Variants in PRKG1 observed in about 807,000 individuals in gnomAD.
PRKG1 encodes protein kinase cGMP-dependent 1.
In PRKG1, 35 loss-of-function variants were observed where a neutral mutation model predicts 88.1. The ratio of observed to expected loss-of-function variants is 0.40; its 90% confidence interval spans 0.30 to 0.53. The LOEUF (loss-of-function observed/expected upper bound fraction) is 0.53, where lower values mean the gene tolerates loss of function less well. Ranked by LOEUF, PRKG1 falls within the 20% of genes least tolerant of loss-of-function variation. The pLI is 0.59. For missense variants in PRKG1, 540 were observed against 839.8 expected, an observed-to-expected ratio of 0.64 and a Z score of 4.41; for synonymous variants, 303 against 292.5, an observed-to-expected ratio of 1.04 and a Z score of -0.37.
chr10:52,004,447 A>T (rs1489186178), intron 5 of PRKG1, among the ~76,000 whole-genome samples: 2 of 152,200 alleles, frequency 1.3e-5, no homozygotes, highest in Non-Finnish European at 2.9e-5. Context: ...CTGAAGTATC[A>T]TTACTTCTCT....
chr10:51,405,869 C>T (rs1401535977), intron 2 of PRKG1, among the ~76,000 whole-genome samples: 1 of 152,164 alleles, frequency 6.6e-6, no homozygotes, highest in East Asian at 1.9e-4. Context: ...CCACAGAGAA[C>T]TCAGTGTACT....
intron 2 of PRKG1, among the ~76,000 whole-genome samples, chr10:51,391,687 T>C (rs1837408304): frequency 6.6e-6 from 1 of 152,210 alleles, no homozygotes; most frequent in Non-Finnish European, 1.5e-5. Flanking sequence ...GTTGTTTTCC[T>C]GCCAAAAAGA....
At chr10:52,219,956 G>A (rs951356995) in intron 9 of PRKG1, among the ~76,000 whole-genome samples, 2 of 152,014 alleles carry the variant, frequency 1.3e-5, no homozygotes, top group African/African-American at 4.8e-5. Context: ...TTCATCTTGA[G>A]GTTTCTGTGA....
chr10:51,883,895 T>A (rs6480538), intron 4 of PRKG1, among the ~76,000 whole-genome samples: 114,485 of 152,022 alleles, frequency 0.75, 43,607 homozygotes, highest in African/African-American at 0.87. Flanking sequence ...AGACTGTCAG[T>A]AGAAATAAGA....
chr10:51,678,605 A>C (rs1840769579), intron 3 of PRKG1, among the ~76,000 whole-genome samples: 1 of 152,232 alleles, frequency 6.6e-6, no homozygotes, highest in Non-Finnish European at 1.5e-5. Flanking sequence ...AAGGGTTATT[A>C]GATTGCATTG....
intron 3 of PRKG1, among the ~76,000 whole-genome samples, chr10:51,578,007 A>G (rs1837931970): frequency 6.6e-6 from 1 of 152,152 alleles, no homozygotes; most frequent in African/African-American, 2.4e-5. Context: ...GTTGTTCGTT[A>G]GGATTCTCTA....
At chr10:51,410,931 A>G (rs1187760927) in intron 2 of PRKG1, among the ~76,000 whole-genome samples, 1 of 151,836 alleles carries the variant, frequency 6.6e-6, no homozygotes, top group Non-Finnish European at 1.5e-5. Context: ...CTTTTGGTAA[A>G]TCGGATGTAC....
At chr10:51,553,489 G>A (rs1837193884) in intron 3 of PRKG1, among the ~76,000 whole-genome samples, 1 of 151,474 alleles carries the variant, frequency 6.6e-6, no homozygotes, top group Admixed American at 6.6e-5. Flanking sequence ...GTTTTAACCA[G>A]TATCATTTAT....
intron 2 of PRKG1, among the ~76,000 whole-genome samples, chr10:51,331,436 G>C (rs1841738336): frequency 6.6e-6 from 1 of 152,078 alleles, no homozygotes; most frequent in African/African-American, 2.4e-5. Context: ...ATACAGGTCT[G>C]GGGGTTTCTG....
chr10:51,010,665 A>G (rs1056674151), intron 1 of PRKG1, among the ~76,000 whole-genome samples: 15 of 152,196 alleles, frequency 9.9e-5, no homozygotes, highest in African/African-American at 3.6e-4. Flanking sequence ...TGAAGATGTG[A>G]AGTGCTTGTT....
chr10:51,613,238 T>A (rs561471998), intron 3 of PRKG1, among the ~76,000 whole-genome samples: 7 of 152,058 alleles, frequency 4.6e-5, no homozygotes, highest in Non-Finnish European at 7.4e-5. Context: ...TCTTCCTGAT[T>A]CAATCTTGGT....
intron 5 of PRKG1, among the ~76,000 whole-genome samples, chr10:51,952,953 C>A (rs920184491): frequency 1.3e-5 from 2 of 152,228 alleles, no homozygotes; most frequent in Admixed American, 6.5e-5. Flanking sequence ...CCAAGTGAAT[C>A]TAACCAACTC....
At chr10:51,690,864 T>C (rs1319526240) in intron 3 of PRKG1, among the ~76,000 whole-genome samples, 1 of 139,576 alleles carries the variant, frequency 7.2e-6, no homozygotes, top group Non-Finnish European at 1.5e-5. Flanking sequence ...AGGCAGAGGT[T>C]GCAGTGAGCC....
chr10:51,763,740 G>GA (rs949071468), intron 3 of PRKG1, among the ~76,000 whole-genome samples: 3 of 151,520 alleles, frequency 2.0e-5, no homozygotes, highest in South Asian at 2.1e-4. Flanking sequence ...GGATAATTTA[G>GA]AAAAAAAAGG....
chr10:51,458,275 T>C (rs186850891), intron 2 of PRKG1, among the ~76,000 whole-genome samples: 4 of 152,222 alleles, frequency 2.6e-5, no homozygotes, highest in African/African-American at 9.6e-5. Flanking sequence ...GAGTAGGAGG[T>C]TGATACTTTG....
At chr10:52,029,299 T>A (rs1405252468) in intron 5 of PRKG1, among the ~76,000 whole-genome samples, 1 of 152,222 alleles carries the variant, frequency 6.6e-6, no homozygotes, top group Non-Finnish European at 1.5e-5. Context: ...TATAGTTGTT[T>A]CATCTTGTTT....
At chr10:51,786,908 C>G (rs1374178033) in intron 3 of PRKG1, among the ~76,000 whole-genome samples, 1 of 152,148 alleles carries the variant, frequency 6.6e-6, no homozygotes. Context: ...AGAAATATGT[C>G]CATCCTTAAG....
chr10:51,242,655 T>C (rs1472796537), intron 2 of PRKG1, among the ~76,000 whole-genome samples: 1 of 152,086 alleles, frequency 6.6e-6, no homozygotes, highest in Non-Finnish European at 1.5e-5. Context: ...ATAAATGCAA[T>C]TGCTATGTTG....
At chr10:51,503,458 A>T (rs1450821281) in intron 3 of PRKG1, among the ~76,000 whole-genome samples, 1 of 152,202 alleles carries the variant, frequency 6.6e-6, no homozygotes, top group Non-Finnish European at 1.5e-5. Flanking sequence ...GAATGTCCTC[A>T]GGAGAGCTGC....
Sources: allele counts gnomAD v4.1 joint callset (sites outside exome capture counted in the v4.1 genomes callset), GRCh38; gene constraint gnomAD v4.1.1; transcripts MANE v1.5; gene names NCBI Gene and HGNC (gene_info 2026-07-23, HGNC 2026-07-21).